PALS2: variants seen among roughly 807,000 people sequenced by gnomAD.
The protein encoded by PALS2 is protein associated with LIN7 2, MAGUK p55 family member.
PALS2 carries 27 observed loss-of-function variants against 61.6 expected under a neutral mutation model. The observed-to-expected ratio is 0.44, with a 90% CI of 0.32 to 0.60. PALS2 has a LOEUF of 0.60. PALS2 is among the 20% of genes least tolerant of loss of function. The probability of loss-of-function intolerance (pLI) is 0.05; values close to 1 mark genes in which losing one functional copy is unlikely to be tolerated. For missense variants in PALS2, 554 were observed against 639.4 expected, an observed-to-expected ratio of 0.87 and a Z score of 1.44; for synonymous variants, 236 against 218.6, an observed-to-expected ratio of 1.08 and a Z score of -0.70.
At chr7:24,650,777 TA>T (rs1215525991) in intron 5 of PALS2, 65 bp downstream of exon 5, 10 of 1,087,084 alleles carry the variant, frequency 9.2e-6, no homozygotes, top group Non-Finnish European at 1.3e-5. Flanking sequence ...GTGTTGGAAA[TA>T]ACTATCAGTT....
intron 9 of PALS2, among the ~76,000 whole-genome samples, chr7:24,671,800 C>A (rs1352561921): frequency 6.6e-6 from 1 of 151,978 alleles, no homozygotes; most frequent in Non-Finnish European, 1.5e-5. Flanking sequence ...AAGAATAGTT[C>A]TTTCCTCCAG....
chr7:24,681,979 TTGAA>T (rs1787959841), intron 11 of PALS2, among the ~76,000 whole-genome samples: 1 of 152,238 alleles, frequency 6.6e-6, no homozygotes. Flanking sequence ...TTGGTTTTGA[TTGAA>T]TGATTTTTCT....
chr7:24,581,496 A>C (rs1322528489), intron 1 of PALS2, among the ~76,000 whole-genome samples: 1 of 152,212 alleles, frequency 6.6e-6, no homozygotes, highest in Non-Finnish European at 1.5e-5. Context: ...TAATTTAAAT[A>C]GTTCAGAAAA....
rs1389315364 is a variant in PALS2 at position 24,688,779 on chromosome 7, A to C, written c.*1165A>C. On this transcript the variant is annotated 3_prime_UTR_variant, in exon 12 of 12. Coordinates refer to ENST00000222644, the MANE Select transcript of PALS2 (RefSeq NM_001303037.2). Reference sequence around the variant, plus strand: ...ATAATATATATAAAATGTTTTGTATATTTTTTACATATCTGTTAAAAAATG... The same window carrying C: ...ATAATATATATAAAATGTTTTGTATCTTTTTTACATATCTGTTAAAAAATG... 5.3e-5 allele frequency: 8 copies of C among 150,426 alleles called. No homozygotes were observed. Among genetic ancestry groups the C allele is most frequent in the African/African-American group, 2.0e-4 (8 of 41,020 alleles). The allele number at this position is 150,426 out of a possible 1,614,324, so 9.3% of individuals were successfully genotyped here.
chr7:24,577,334 C>A (rs1490624656), intron 1 of PALS2, among the ~76,000 whole-genome samples: 1 of 145,374 alleles, frequency 6.9e-6, no homozygotes, highest in Non-Finnish European at 1.5e-5. Flanking sequence ...ATATATTCAT[C>A]TCTGGCTAAC....
chr7:24,641,873 CTT>C lies in PALS2; in HGVS notation c.270+7_270+8del, dbSNP rs1251845767. On this transcript the variant is annotated splice_donor_region_variant and intron_variant, in intron 3 of 11. Coordinates refer to ENST00000222644, the MANE Select transcript of PALS2 (RefSeq NM_001303037.2). ...CTCAAAGAACCTCACTTCCAGGTAA[CTT>C]TCCCTATCACTCAACTCTCAAGTTC... The C allele has an allele frequency of 1.9e-6, 3 of 1,610,684 alleles. No homozygotes were observed. The African/African-American group carries it at 4.0e-5, about 22-fold the overall frequency.
chr7:24,673,291 A>C (rs1787394162), intron 9 of PALS2, among the ~76,000 whole-genome samples: 1 of 152,038 alleles, frequency 6.6e-6, no homozygotes, highest in Admixed American at 6.6e-5. Flanking sequence ...GTATACTTCT[A>C]GATTCAGTTG....
intron 5 of PALS2, among the ~76,000 whole-genome samples, chr7:24,660,403 T>C (rs1037660823): frequency 1.3e-5 from 2 of 152,188 alleles, no homozygotes; most frequent in Admixed American, 1.3e-4. Flanking sequence ...AAATAAAAAT[T>C]ACATATCCTT....
At position 24,692,707 on chromosome 7, in the gene PALS2, A is replaced by T. The variant is rs143381908; in HGVS notation, c.*5093A>T. The T allele has an allele frequency of 2.6e-5, 4 of 152,170 alleles. No homozygotes were observed. Among genetic ancestry groups the T allele is most frequent in the African/African-American group, 9.7e-5 (4 of 41,434 alleles). The allele number at this position is 152,170 out of a possible 1,614,324, so 9.4% of individuals were successfully genotyped here. On this transcript the variant is annotated 3_prime_UTR_variant, in exon 12 of 12. Transcript: ENST00000222644. ...AACCCTTAGCAAATCCTTGCTGCCA[A>T]CCAGACCACTCACAAATCAAACAAA...
chr7:24,592,391 A>G (rs1477575507), intron 1 of PALS2, among the ~76,000 whole-genome samples: 2 of 152,064 alleles, frequency 1.3e-5, no homozygotes, highest in African/African-American at 4.8e-5. Context: ...GGGCCCCTGT[A>G]AGGAGAGGCA....
intron 8 of PALS2, among the ~76,000 whole-genome samples, 162 bp from the exon 9 acceptor site, chr7:24,668,337 T>C (rs574489252): frequency 2.2e-4 from 34 of 152,238 alleles, no homozygotes; most frequent in Admixed American, 6.5e-4. Flanking sequence ...TTATTATTTA[T>C]TGTACTTTAC....
intron 4 of PALS2, 111 bp downstream of exon 4, chr7:24,649,875 A>G (rs912135493): frequency 2.8e-6 from 3 of 1,071,496 alleles, no homozygotes; most frequent in African/African-American, 3.3e-5. Context: ...TGAAAACTGT[A>G]TTCTTGTTTG....
intron 2 of PALS2, among the ~76,000 whole-genome samples, chr7:24,640,628 A>G (rs1785482411): frequency 6.6e-6 from 1 of 152,236 alleles, no homozygotes; most frequent in Admixed American, 6.5e-5. Flanking sequence ...CAGAAAAGCA[A>G]GGAATGCTTA....
chr7:24,640,824 T>C (rs369333019), intron 2 of PALS2, among the ~76,000 whole-genome samples: 3,964 of 151,902 alleles, frequency 0.026, 88 homozygotes, highest in Admixed American at 0.064. Flanking sequence ...CTGGCTAACA[T>C]GGTGAAACCC....
Position 24,690,364 on chromosome 7 carries a change from G to C in PALS2, c.*2750G>C, listed in dbSNP as rs1788411427. On this transcript the variant is annotated 3_prime_UTR_variant, in exon 12 of 12. Coordinates refer to ENST00000222644, the MANE Select transcript of PALS2 (RefSeq NM_001303037.2). The stretch of plus-strand genomic sequence containing the variant: ...CTTTTGGGAAGATCTGCGATAATTA[G>C]CTTTATGGAAGCGAAAATGGTTTAG... 6.6e-6 allele frequency: 1 copy of C among 152,146 alleles called. No individual in the cohort carries two copies. Among genetic ancestry groups the C allele is most frequent in the Non-Finnish European group, 1.5e-5 (1 of 68,024 alleles). The allele number at this position is 152,146 out of a possible 1,614,324, so 9.4% of individuals were successfully genotyped here.
At position 24,690,783 on chromosome 7, in the gene PALS2, A is replaced by T. The variant is rs1252060081; in HGVS notation, c.*3169A>T. The stretch of plus-strand genomic sequence containing the variant: ...TTATTTTGGCTAACTCTAACTATAC[A>T]ATTGCTGAACATAGCTTTCTGAAAT... On this transcript the variant is annotated 3_prime_UTR_variant, in exon 12 of 12. Transcript: ENST00000222644. The T allele has an allele frequency of 6.6e-6, 1 of 152,216 alleles. No homozygotes were observed. Among genetic ancestry groups the T allele is most frequent in the Non-Finnish European group, 1.5e-5 (1 of 68,044 alleles). 9.4% of individuals were successfully genotyped at this position (152,216 alleles called of 1,614,324 possible). A position where few individuals can be genotyped will look rare whatever the true frequency, so the allele number is the denominator to read the frequency against.
intron 1 of PALS2, among the ~76,000 whole-genome samples, chr7:24,585,768 G>A (rs138790847): frequency 0.039 from 5,909 of 152,018 alleles, 157 homozygotes; most frequent in Non-Finnish European, 0.058. Context: ...CCGAGATCTC[G>A]GCTCACTACA....
chr7:24,631,957 T>G (rs764508906), intron 2 of PALS2, among the ~76,000 whole-genome samples: 8 of 152,252 alleles, frequency 5.3e-5, no homozygotes, highest in Non-Finnish European at 1.0e-4. Context: ...TTGTGTGACT[T>G]ACTTTGTTGC....
chr7:24,630,142 C>T (rs1784933794), intron 2 of PALS2, among the ~76,000 whole-genome samples: 1 of 152,120 alleles, frequency 6.6e-6, no homozygotes, highest in Non-Finnish European at 1.5e-5. Flanking sequence ...GAATAGTATG[C>T]GGCCATAAAA....
Sources: allele counts gnomAD v4.1 joint callset (sites outside exome capture counted in the v4.1 genomes callset), GRCh38; gene constraint gnomAD v4.1.1; transcripts MANE v1.5; gene names NCBI Gene and HGNC (gene_info 2026-07-23, HGNC 2026-07-21).